Variants in AK5 observed in about 807,000 individuals in gnomAD.
AK5 encodes the protein adenylate kinase isoenzyme 5.
A neutral mutation model predicts 69.5 loss-of-function variants in AK5; 27 were observed. The ratio of observed to expected loss-of-function variants is 0.39; its 90% confidence interval spans 0.29 to 0.54. The LOEUF is 0.54. AK5 is among the 20% of genes least tolerant of loss of function. The probability of loss-of-function intolerance (pLI) is 0.71; values close to 1 mark genes in which losing one functional copy is unlikely to be tolerated. For synonymous variants in AK5, 260 were observed against 244.4 expected (o/e 1.06, Z -0.60); for missense variants, 531 against 700.4 (o/e 0.76, Z 2.73).
At chr1:77,473,165 G>T (rs1654625996) in intron 8 of AK5, among the ~76,000 whole-genome samples, 1 of 151,570 alleles carries the variant, frequency 6.6e-6, no homozygotes, top group South Asian at 2.1e-4. Context: ...ATTGTTGCAT[G>T]AGCAGTAGAA....
intron 1 of AK5, among the ~76,000 whole-genome samples, chr1:77,286,737 C>T (rs557283813): frequency 9.9e-5 from 15 of 152,166 alleles, no homozygotes; most frequent in African/African-American, 3.6e-4. Flanking sequence ...ATCCCAGCTA[C>T]TCGGGAGGCT....
At chr1:77,397,405 C>G (rs1416040051) in intron 6 of AK5, among the ~76,000 whole-genome samples, 1 of 152,128 alleles carries the variant, frequency 6.6e-6, no homozygotes, top group Non-Finnish European at 1.5e-5. Context: ...GAGACGTTGC[C>G]GTGTTTGACT....
intron 8 of AK5, among the ~76,000 whole-genome samples, chr1:77,472,972 T>C (rs1271089319): frequency 6.7e-6 from 1 of 149,248 alleles, no homozygotes; most frequent in South Asian, 2.2e-4. Context: ...TGTGATTGCG[T>C]TGAGCCCGCC....
chr1:77,305,264 G>A (rs1175535020), intron 5 of AK5, among the ~76,000 whole-genome samples: 3 of 151,210 alleles, frequency 2.0e-5, no homozygotes, highest in Non-Finnish European at 4.4e-5. Flanking sequence ...AATTTTTTTT[G>A]CAACCCACCA....
At chr1:77,429,028 T>G (rs1171137235) in intron 8 of AK5, among the ~76,000 whole-genome samples, 2 of 152,208 alleles carry the variant, frequency 1.3e-5, no homozygotes, top group East Asian at 1.9e-4. Context: ...GTTCCAAGTC[T>G]TTGCTATTGT....
chr1:77,428,923 G>A (rs1053270539), intron 8 of AK5, among the ~76,000 whole-genome samples: 6 of 152,196 alleles, frequency 3.9e-5, no homozygotes, highest in African/African-American at 1.2e-4. Flanking sequence ...TCCCTACAAA[G>A]GACATGAACT....
At chr1:77,376,451 C>CAAAAAAAAAAA (rs762576175) in intron 6 of AK5, among the ~76,000 whole-genome samples, 1 of 41,036 alleles carries the variant, frequency 2.4e-5, no homozygotes, top group African/African-American at 9.0e-5. Context: ...AAAAAAAAAA[C>CAAAAAAAAAAA]AAAAAAAAAA....
At chr1:77,313,875 C>T (rs1660096804) in intron 5 of AK5, 1 of 532,386 alleles carries the variant, frequency 1.9e-6, no homozygotes, top group Non-Finnish European at 3.9e-6. Context: ...TATGTCCAGT[C>T]CGTCAAGATT....
At chr1:77,464,369 T>C (rs1310547787) in intron 8 of AK5, among the ~76,000 whole-genome samples, 1 of 152,046 alleles carries the variant, frequency 6.6e-6, no homozygotes, top group African/African-American at 2.4e-5. Context: ...CGGTTGGAGT[T>C]TTTCCGGAGA....
At chr1:77,340,726 C>A in intron 6 of AK5, 158 bp downstream of exon 6, 1 of 464,240 alleles carries the variant, frequency 2.2e-6, no homozygotes, top group Non-Finnish European at 3.6e-6. Flanking sequence ...CCTGATTTGC[C>A]TTTTTAAGCC....
chr1:77,378,932 A>G (rs1647431384), intron 6 of AK5, among the ~76,000 whole-genome samples: 2 of 152,196 alleles, frequency 1.3e-5, no homozygotes. Context: ...TCCAGCTGTT[A>G]TGTTTGAGAT....
chr1:77,361,467 T>C (rs1646863258), intron 6 of AK5, among the ~76,000 whole-genome samples: 4 of 152,284 alleles, frequency 2.6e-5, no homozygotes, highest in Admixed American at 2.0e-4. Context: ...AAAGCAACTA[T>C]TAAGACTAAG....
At chr1:77,423,596 A>T (rs1464792463) in intron 8 of AK5, among the ~76,000 whole-genome samples, 1 of 151,976 alleles carries the variant, frequency 6.6e-6, no homozygotes, top group Non-Finnish European at 1.5e-5. Context: ...ATCACAACTT[A>T]CCCAAACAGA....
intron 5 of AK5, among the ~76,000 whole-genome samples, chr1:77,337,205 C>A (rs918316752): frequency 5.9e-5 from 9 of 152,084 alleles, no homozygotes; most frequent in Admixed American, 2.0e-4. Context: ...AAGCCAATAC[C>A]TGTAGTAAAA....
intron 8 of AK5, among the ~76,000 whole-genome samples, chr1:77,466,566 C>T (rs2100686603): frequency 6.6e-6 from 1 of 152,264 alleles, no homozygotes; most frequent in South Asian, 2.1e-4. Context: ...TGACCCAAAC[C>T]TAGTGACTTA....
intron 13 of AK5, among the ~76,000 whole-genome samples, chr1:77,547,617 G>A (rs1372405241): frequency 2.0e-5 from 3 of 151,910 alleles, no homozygotes; most frequent in Non-Finnish European, 4.4e-5. Context: ...TATGAACTAT[G>A]TATTCAAAAT....
intron 12 of AK5, among the ~76,000 whole-genome samples, chr1:77,532,708 A>G (rs1382921548): frequency 6.6e-6 from 1 of 152,196 alleles, no homozygotes; most frequent in African/African-American, 2.4e-5. Flanking sequence ...CAGCCCTTCC[A>G]AGGGCACTTG....
At chr1:77,300,253 G>A (rs564912255) in intron 5 of AK5, among the ~76,000 whole-genome samples, 1 of 152,300 alleles carries the variant, frequency 6.6e-6, no homozygotes, top group African/African-American at 2.4e-5. Context: ...TTTGGGGTCT[G>A]TTAGCAAATT....
chr1:77,464,357 G>A (rs1654015570), intron 8 of AK5, among the ~76,000 whole-genome samples: 1 of 152,168 alleles, frequency 6.6e-6, no homozygotes, highest in Non-Finnish European at 1.5e-5. Flanking sequence ...CAGTGCGCAG[G>A]CCGGTTGGAG....
Sources: gnomAD v4.1 joint callset for allele counts (sites outside exome capture counted in the v4.1 genomes callset) on GRCh38, gnomAD v4.1.1 for gene constraint, MANE v1.5 for transcripts, NCBI Gene and HGNC (gene_info 2026-07-23, HGNC 2026-07-21) for gene names.